KCNAB1: variants seen among roughly 807,000 people sequenced by gnomAD.
KCNAB1 encodes potassium voltage-gated channel subfamily A regulatory beta subunit 1.
A neutral mutation model predicts 64.6 loss-of-function variants in KCNAB1; 35 were observed. That is an observed-to-expected ratio of 0.54 (90% confidence interval 0.41 to 0.72). The LOEUF (loss-of-function observed/expected upper bound fraction) is 0.72, where lower values mean the gene tolerates loss of function less well. KCNAB1 is among the 30% of genes least tolerant of loss of function. KCNAB1 has a pLI of 0.00. For missense variants in KCNAB1, 401 were observed against 512.9 expected (o/e 0.78, Z 2.11); for synonymous variants, 177 against 183.8 (o/e 0.96, Z 0.30).
chr3:156,224,386 G>A (rs1315761724), intron 1 of KCNAB1, among the ~76,000 whole-genome samples: 8 of 152,240 alleles, frequency 5.3e-5, no homozygotes, highest in Non-Finnish European at 8.8e-5. Flanking sequence ...GTGCAGCGGC[G>A]GGCTGAAGGG....
chr3:156,295,238 A>T (rs1720700892), intron 1 of KCNAB1, among the ~76,000 whole-genome samples: 1 of 152,182 alleles, frequency 6.6e-6, no homozygotes, highest in Non-Finnish European at 1.5e-5. Flanking sequence ...ATCTTGGGGC[A>T]TGAGTAATTG....
rs116492296 is a variant in KCNAB1, at chr3:156,428,811, G to T, written c.319+7152G>T. On this transcript the variant is annotated intron_variant, in intron 2 of 13. Coordinates refer to ENST00000490337, the MANE Select transcript of KCNAB1 (RefSeq NM_172160.3). ...AATTTATGCAGCCCTGTCAGATAGG[G>T]TTTGATCTGGACCTAAGCAGTGAAG... 6.7e-3 allele frequency among the ~76,000 whole-genome samples: 1,016 copies of T among 152,178 alleles called. 8 individuals are homozygous for T. The highest frequency in any genetic ancestry group is 0.023 in the African/African-American group (971 of 41,506).
intron 5 of KCNAB1, among the ~76,000 whole-genome samples, chr3:156,461,382 C>T (rs1190493745): frequency 6.6e-6 from 1 of 152,210 alleles, no homozygotes; most frequent in Non-Finnish European, 1.5e-5. Context: ...CCTTGACCTG[C>T]AGCTGCAGCA....
At chr3:156,149,830 A>G (rs1715291036) in intron 1 of KCNAB1, among the ~76,000 whole-genome samples, 1 of 152,206 alleles carries the variant, frequency 6.6e-6, no homozygotes, top group East Asian at 1.9e-4. Flanking sequence ...TCATCCTCCC[A>G]GGACCCTCCA....
intron 12 of KCNAB1, among the ~76,000 whole-genome samples, chr3:156,524,522 C>G (rs377599273): frequency 2.0e-5 from 3 of 151,922 alleles, no homozygotes; most frequent in Admixed American, 6.6e-5. Context: ...CCAAGGTGGG[C>G]GGATCATGAG....
intron 12 of KCNAB1, among the ~76,000 whole-genome samples, chr3:156,527,218 T>C (rs957441131): frequency 6.6e-6 from 1 of 152,236 alleles, no homozygotes; most frequent in Non-Finnish European, 1.5e-5. Context: ...GTAAAACATA[T>C]TAGCTATTTG....
In KCNAB1 at chr3:156,364,549, C is replaced by T. The variant is rs137969330; in HGVS notation, c.276-57067C>T. ...ATCCCAGCACTTTGAGAGGCCGAGG[C>T]GGGCGGATCACCTAAGGTCGGGAGT... On this transcript the variant is annotated intron_variant, in intron 1 of 13. Coordinates refer to ENST00000490337, the MANE Select transcript of KCNAB1 (RefSeq NM_172160.3). 6.8e-4 allele frequency among the ~76,000 whole-genome samples: 103 copies of T among 152,244 alleles called. No homozygotes were observed. In the East Asian group the frequency reaches 0.017, roughly 25 times the overall value.
At chr3:156,173,770 G>A (rs1158120917) in intron 1 of KCNAB1, among the ~76,000 whole-genome samples, 1 of 152,242 alleles carries the variant, frequency 6.6e-6, no homozygotes, top group Non-Finnish European at 1.5e-5. Flanking sequence ...GGGTGTGTCT[G>A]TAAGGGTGTT....
chr3:156,485,284 T>C (rs1445252583), intron 8 of KCNAB1, among the ~76,000 whole-genome samples: 7 of 152,116 alleles, frequency 4.6e-5, no homozygotes, highest in Admixed American at 3.3e-4. Flanking sequence ...ATTAAAAACT[T>C]ATAGAAATGG....
chr3:156,498,509 A>T (rs991956799), intron 8 of KCNAB1, among the ~76,000 whole-genome samples: 6 of 152,196 alleles, frequency 3.9e-5, no homozygotes, highest in Non-Finnish European at 7.3e-5. Flanking sequence ...GTTGCCATCC[A>T]TGTAAGACGT....
intron 1 of KCNAB1, among the ~76,000 whole-genome samples, chr3:156,171,949 G>C (rs1712022392): frequency 6.6e-6 from 1 of 152,208 alleles, no homozygotes; most frequent in African/African-American, 2.4e-5. Context: ...ATTTGAGGCT[G>C]TGTATATCAG....
intron 1 of KCNAB1, among the ~76,000 whole-genome samples, chr3:156,293,424 A>G (rs1443788012): frequency 6.6e-6 from 1 of 152,230 alleles, no homozygotes; most frequent in Non-Finnish European, 1.5e-5. Context: ...CATAGGCAAC[A>G]TGTGTTTCTC....
At chr3:156,415,762 G>C (rs112577654) in intron 1 of KCNAB1, among the ~76,000 whole-genome samples, 3,416 of 152,072 alleles carry the variant, frequency 0.022, 51 homozygotes, top group African/African-American at 0.036. Context: ...AGGCCCCATC[G>C]TGGGCCCTGT....
At chr3:156,378,655 A>T (rs1405188331) in intron 1 of KCNAB1, among the ~76,000 whole-genome samples, 1 of 151,988 alleles carries the variant, frequency 6.6e-6, no homozygotes, top group Non-Finnish European at 1.5e-5. Flanking sequence ...ATGTGCACTC[A>T]CTTCATCTCC....
intron 1 of KCNAB1, among the ~76,000 whole-genome samples, chr3:156,288,543 T>C (rs763152286): frequency 6.6e-6 from 1 of 152,198 alleles, no homozygotes; most frequent in Non-Finnish European, 1.5e-5. Context: ...CAGCCAAGTG[T>C]TATCTAATTT....
intron 2 of KCNAB1, among the ~76,000 whole-genome samples, chr3:156,450,567 C>A (rs1711916239): frequency 6.6e-6 from 1 of 152,170 alleles, no homozygotes; most frequent in East Asian, 1.9e-4. Flanking sequence ...CCTGTTGAGG[C>A]TCTGGACACA....
At chr3:156,492,973 C>G (rs866000971) in intron 8 of KCNAB1, among the ~76,000 whole-genome samples, 2 of 152,124 alleles carry the variant, frequency 1.3e-5, no homozygotes, top group Non-Finnish European at 2.9e-5. Flanking sequence ...AGCATTGACT[C>G]TTTAAATACT....
At chr3:156,416,397 C>G (rs1715080081) in intron 1 of KCNAB1, among the ~76,000 whole-genome samples, 2 of 152,304 alleles carry the variant, frequency 1.3e-5, no homozygotes, top group African/African-American at 4.8e-5. Context: ...ATGCTTCTTC[C>G]AGTCTCTGAG....
At chr3:156,500,879 G>A (rs1241190436) in intron 8 of KCNAB1, among the ~76,000 whole-genome samples, 1 of 152,158 alleles carries the variant, frequency 6.6e-6, no homozygotes, top group African/African-American at 2.4e-5. Context: ...AAATTTTCTA[G>A]GTCAAAACTA....
Sources: allele counts gnomAD v4.1 joint callset (sites outside exome capture counted in the v4.1 genomes callset), GRCh38; gene constraint gnomAD v4.1.1; transcripts MANE v1.5; gene names NCBI Gene and HGNC (gene_info 2026-07-23, HGNC 2026-07-21).